Variants in TRIP6 observed in about 807,000 individuals in gnomAD.
TRIP6 encodes thyroid receptor-interacting protein 6.
TRIP6 carries 33 observed loss-of-function variants against 51.9 expected under a neutral mutation model. The ratio of observed to expected loss-of-function variants is 0.64; its 90% CI spans 0.48 to 0.85. TRIP6 has a LOEUF of 0.85. Ranked by LOEUF, TRIP6 falls within the 40% of genes least tolerant of loss-of-function variation. The pLI is 0.00. For missense variants in TRIP6, 661 were observed against 652.1 expected (o/e 1.01, Z -0.15); for synonymous variants, 255 against 275.8 (o/e 0.92, Z 0.75).
At chr7:100,868,020 G>A (rs749313750) in intron 2 of TRIP6, 32 bp downstream of exon 2, 1 of 1,520,442 alleles carries the variant, frequency 6.6e-7, no homozygotes, top group Non-Finnish European at 8.8e-7. Context: ...TGGGACATGT[G>A]GGATCCCCCA....
At chr7:100,869,080 T>C (rs982902942) in intron 4 of TRIP6, among the ~76,000 whole-genome samples, 5 of 152,048 alleles carry the variant, frequency 3.3e-5, no homozygotes, top group African/African-American at 9.7e-5. Context: ...CCTGAATAAC[T>C]GGATTACAGG....
At position 100,872,728 on chromosome 7, in the gene TRIP6, G is replaced by C. The variant is rs1815299181; in HGVS notation, c.1283G>C (p.Gly428Ala). ...GCTCTGGATCGAAGTTTTCACATTG[G>C]CTGTTACAAGTGCGAGGTCAGGGGC... ...IVALDRSFHI[G>A]CYKCEECGLL... Residue 428 changes from glycine (G) to alanine (A), a missense_variant, in exon 8 of 9, where the codon GGC (glycine) becomes GCC (alanine). Physicochemically the swap from Gly to Ala is moderately conservative, Grantham distance 60. Coordinates refer to ENST00000200457, the MANE Select transcript of TRIP6 (RefSeq NM_003302.3). 6.2e-7 allele frequency: 1 copy of C among 1,614,152 alleles called. No homozygotes were observed. Among genetic ancestry groups the C allele is most frequent in the Non-Finnish European group, 8.5e-7 (1 of 1,180,010 alleles).
In TRIP6 at chr7:100,871,630, T is replaced by C. The variant is rs781162654; in HGVS notation, c.1087T>C (p.Phe363Leu). The stretch of plus-strand genomic sequence containing the variant: ...GGGGAAGGCCTACCACCCTGGCTGC[T>C]TCACCTGCGTGGTGTGTCACCGCGG... ...AMGKAYHPGC[F>L]TCVVCHRGLD... The change falls in exon 7 of 9, where the codon TTC (phenylalanine) becomes CTC (leucine). Residue 363 changes from phenylalanine to leucine, a missense_variant. Phe to Leu is a conservative substitution (Grantham distance 22). Transcript: ENST00000200457. 4 of 1,614,132 alleles carry C rather than the reference T, an allele frequency of 2.5e-6. No individual in the cohort carries two copies. The highest frequency in any genetic ancestry group is 2.5e-6 in the Non-Finnish European group (3 of 1,180,036).
chr7:100,868,721 GC>G lies in TRIP6; in HGVS notation c.595del (p.His199ThrfsTer50). 6.4e-7 allele frequency: 1 copy of G among 1,568,842 alleles called. No homozygotes were observed. Among genetic ancestry groups the G allele is most frequent in the Non-Finnish European group, 8.6e-7 (1 of 1,159,892 alleles). ...TCTCAGGCCTCTGGGCCCCTCCCGGGCCCCCACTTTCCTCTCCCAGGCCGAG... is the reference window on the plus strand; with the variant it reads ...TCTCAGGCCTCTGGGCCCCTCCCGGGCCCCACTTTCCTCTCCCAGGCCGAG... ...GASQASGPLP[G>X]PHFPLPGRGE... is the part of the protein sequence containing the mutation. On this transcript the variant is annotated frameshift_variant, in exon 4 of 9. Transcript: ENST00000200457. LOFTEE classifies it high-confidence loss of function.
chr7:100,871,039 TTTTTG>T (rs1159881764), intron 6 of TRIP6: 2 of 573,716 alleles, frequency 3.5e-6, no homozygotes, highest in Non-Finnish European at 6.5e-6. Context: ...CTGGTTTTGT[TTTTTG>T]TTTTTTTTTG....
chr7:100,867,754 C>T lies in TRIP6; in HGVS notation c.110-107C>T, dbSNP rs1815173297. On this transcript the variant is annotated intron_variant, in intron 1 of 8. Coordinates refer to ENST00000200457, the MANE Select transcript of TRIP6 (RefSeq NM_003302.3). The surrounding 1 kb of genome is among the most constrained non-coding windows in gnomAD (Gnocchi z 5.4). ...CAGCCGCCTGCGCTCTCTTGGGACCCTAGATTTGGGGGAGGAGGTAACGAG... is the reference window on the plus strand; with the variant it reads ...CAGCCGCCTGCGCTCTCTTGGGACCTTAGATTTGGGGGAGGAGGTAACGAG... 2 of 1,511,048 alleles carry T rather than the reference C, an allele frequency of 1.3e-6. No individual in the cohort carries two copies. The highest frequency in any genetic ancestry group is 1.8e-6 in the Non-Finnish European group (2 of 1,131,222). The allele number at this position is 1,511,048 out of a possible 1,614,324, so 93.6% of individuals were successfully genotyped here. A position where few individuals can be genotyped will look rare whatever the true frequency, so the allele number is the denominator to read the frequency against.
In TRIP6 at chr7:100,867,439, G is replaced by T; in HGVS notation, c.-59G>T. 1 of 1,251,434 alleles carries T rather than the reference G, an allele frequency of 8.0e-7. No homozygotes were observed. The highest frequency in any genetic ancestry group is 1.1e-6 in the Non-Finnish European group (1 of 940,174). 77.5% of individuals were successfully genotyped at this position (1,251,434 alleles called of 1,614,324 possible). On this transcript the variant is annotated 5_prime_UTR_variant, in exon 1 of 9. Coordinates refer to ENST00000200457, the MANE Select transcript of TRIP6 (RefSeq NM_003302.3). This position sits in a 1 kb window ranked among gnomAD's most constrained non-coding sequence, Gnocchi z 5.4. ...AAACGAGGTGCGGGACGGAAGAGGG[G>T]GTGAAGGCCAGAGGCTCGGGGCTTC...
At position 100,868,800 on chromosome 7, in the gene TRIP6, C is replaced by G. The variant is rs1200514868; in HGVS notation, c.669C>G (p.Ala223=). The G allele has an allele frequency of 6.6e-6, 10 of 1,524,698 alleles. No individual in the cohort carries two copies. In the East Asian group the frequency reaches 1.1e-4, roughly 17 times the overall value. The allele number at this position is 1,524,698 out of a possible 1,614,324, so 94.4% of individuals were successfully genotyped here. The change falls in exon 4 of 9, where the codon GCC becomes GCG. Residue 223 remains alanine, a synonymous_variant. Coordinates refer to ENST00000200457, the MANE Select transcript of TRIP6 (RefSeq NM_003302.3). ...YRSQREPGPG[A]KEEAAGVSGP... ...GCCAGAGAGAGCCAGGGCCAGGGGC[C>G]AAAGAGGAAGCTGCTGGGGTCTCTG...
At position 100,870,632 on chromosome 7, in the gene TRIP6, T is replaced by C. The variant is rs1404658047; in HGVS notation, c.888T>C (p.Leu296=). 1.9e-6 allele frequency: 3 copies of C among 1,614,024 alleles called. No individual in the cohort carries two copies. The highest frequency in any genetic ancestry group is 2.5e-6 in the Non-Finnish European group (3 of 1,180,028). Residue 296 remains leucine (L), a synonymous_variant, in exon 6 of 9, where the codon CTT becomes CTC. Transcript: ENST00000200457. ...VVGDGAGVVA[L]DRVFHVGCFV... is the part of the protein sequence containing the mutation. The stretch of plus-strand genomic sequence containing the variant: ...GGGATGGGGCTGGGGTTGTGGCCCT[T>C]GATCGCGTCTTTCACGTGGGCTGCT...
At position 100,870,433 on chromosome 7, in the gene TRIP6, A is replaced by G. The variant is rs375537231; in HGVS notation, c.799A>G (p.Met267Val). 6.2e-7 allele frequency: 1 copy of G among 1,609,200 alleles called. No individual in the cohort carries two copies. The highest frequency in any genetic ancestry group is 8.5e-7 in the Non-Finnish European group (1 of 1,177,632). ...GCTGACGAAGAAGCTGGTTCACGAC[A>G]TGAACCACCCGCCCAGCGGGGAGTA... ...DRLTKKLVHD[M>V]NHPPSGEYFG... The change falls in exon 5 of 9, where the codon ATG (methionine) becomes GTG (valine). Residue 267 changes from methionine (M) to valine (V), a missense_variant. By Grantham distance (21) the Met-to-Val change is conservative (BLOSUM62 1). Transcript: ENST00000200457.
intron 8 of TRIP6, 71 bp from the exon 9 acceptor site, chr7:100,873,101 G>C (rs375283730): frequency 6.4e-7 from 1 of 1,561,158 alleles, no homozygotes; most frequent in East Asian, 2.3e-5. Context: ...CTCCTGCCTC[G>C]GCTTCTCAAA....
At position 100,867,679 on chromosome 7, in the gene TRIP6, C is replaced by A. The variant is rs561289141; in HGVS notation, c.109+73C>A. The stretch of plus-strand genomic sequence containing the variant: ...ACCTCTGTCCTACCGCTCCAGCCTC[C>A]CGCCCTGGCTGCTTCCTCCTGCCCC... On this transcript the variant is annotated intron_variant, in intron 1 of 8. Transcript: ENST00000200457. The surrounding 1 kb of genome is among the most constrained non-coding windows in gnomAD (Gnocchi z 5.4). 1.3e-6 allele frequency: 2 copies of A among 1,566,826 alleles called. No individual in the cohort carries two copies. Among genetic ancestry groups the A allele is most frequent in the East Asian group, 2.3e-5 (1 of 43,530 alleles).
At chr7:100,871,331 A>G (rs1188308717) in intron 6 of TRIP6, among the ~76,000 whole-genome samples, 1 of 152,218 alleles carries the variant, frequency 6.6e-6, no homozygotes, top group Non-Finnish European at 1.5e-5. Flanking sequence ...CACTGCACCC[A>G]GCCTGATTCC....
rs554249953 is a variant in TRIP6, at chr7:100,867,404, C to T, written c.-94C>T. ...AAAAAGCCAGAAAAAGTTTTCTTTTCTGGAGTCCCAAACGAGGTGCGGGAC... is the reference window on the plus strand; with the variant it reads ...AAAAAGCCAGAAAAAGTTTTCTTTTTTGGAGTCCCAAACGAGGTGCGGGAC... On this transcript the variant is annotated 5_prime_UTR_variant, in exon 1 of 9. Transcript: ENST00000200457. This position sits in a 1 kb window ranked among gnomAD's most constrained non-coding sequence, Gnocchi z 5.4. 3.1e-6 allele frequency: 3 copies of T among 955,004 alleles called. No individual in the cohort carries two copies. In the South Asian group the frequency reaches 6.0e-5, roughly 19 times the overall value. 59.2% of individuals were successfully genotyped at this position (955,004 alleles called of 1,614,324 possible).
chr7:100,872,819 G>A (rs1815300961), intron 8 of TRIP6, 75 bp downstream of exon 8: 10 of 1,556,166 alleles, frequency 6.4e-6, no homozygotes, highest in Middle Eastern at 1.7e-4. Context: ...GGAACACAGA[G>A]GTCTGGGGTT....
intron 3 of TRIP6, 43 bp downstream of exon 3, chr7:100,868,276 C>G (rs376610903): frequency 6.3e-7 from 1 of 1,592,292 alleles, no homozygotes; most frequent in Non-Finnish European, 8.6e-7. Context: ...GCCCCCTTCT[C>G]TGGACTCTCA....
rs754260797 is a variant in TRIP6, at chr7:100,868,616, C to T, written c.485C>T (p.Thr162Ile). The T allele has an allele frequency of 6.8e-6, 11 of 1,612,632 alleles. No individual in the cohort carries two copies. The highest frequency in any genetic ancestry group is 9.3e-6 in the Non-Finnish European group (11 of 1,179,888). ...CCAGCCTCTTACACTACCGCCAGCA[C>T]CCCGGCTGGCCCAGCCTTCCCCGTG... ...PTPASYTTAS[T>I]PAGPAFPVQV... The change falls in exon 4 of 9, where the codon ACC becomes ATC. Residue 162 changes from threonine to isoleucine, a missense_variant. Physicochemically the swap from Thr to Ile is moderately conservative, Grantham distance 89. Transcript: ENST00000200457.
In TRIP6 at chr7:100,867,890, TG is replaced by T. The variant is rs1274490560; in HGVS notation, c.140del (p.Cys47SerfsTer51). 1.3e-6 allele frequency: 2 copies of T among 1,532,718 alleles called. No individual in the cohort carries two copies. 94.9% of individuals were successfully genotyped at this position (1,532,718 alleles called of 1,614,324 possible). Reference protein sequence around the residue: ...ALQPHPRVNFCPLPSEQCYQA... With the variant: ...ALQPHPRVNFXPLPSEQCYQA... Reference sequence around the variant, plus strand: ...CCAGCCCCACCCCAGGGTCAATTTTTGCCCCCTTCCATCTGAGCAGTGTTAC... The same window carrying T: ...CCAGCCCCACCCCAGGGTCAATTTTTCCCCCTTCCATCTGAGCAGTGTTAC... On this transcript the variant is annotated frameshift_variant, in exon 2 of 9. Transcript: ENST00000200457. LOFTEE classifies it high-confidence loss of function. The surrounding 1 kb of genome is among the most constrained non-coding windows in gnomAD (Gnocchi z 5.4).
In TRIP6 at chr7:100,868,222, C is replaced by T; in HGVS notation, c.352C>T (p.Pro118Ser). 1.2e-6 allele frequency: 2 copies of T among 1,608,454 alleles called. No homozygotes were observed. The highest frequency in any genetic ancestry group is 1.7e-6 in the Non-Finnish European group (2 of 1,177,228). Residue 118 changes from proline to serine, a missense_variant, in exon 3 of 9, where the codon CCA becomes TCA. By Grantham distance (74) the Pro-to-Ser change is moderately conservative. Transcript: ENST00000200457. Reference protein sequence around the residue: ...NGGRGHASRRPDRQAYEPPPP... With the variant: ...NGGRGHASRRSDRQAYEPPPP... ...GGGTCGGGGTCATGCGTCACGGCGACCAGACCGACAGGTGACTCTGCCCCT... is the reference window on the plus strand; with the variant it reads ...GGGTCGGGGTCATGCGTCACGGCGATCAGACCGACAGGTGACTCTGCCCCT...
Sources: allele counts gnomAD v4.1 joint callset (sites outside exome capture counted in the v4.1 genomes callset), GRCh38; gene constraint gnomAD v4.1.1; non-coding constraint Gnocchi (gnomAD v3.1); transcripts MANE v1.5; gene names NCBI Gene and HGNC (gene_info 2026-07-23, HGNC 2026-07-21).